Variants in CDC14B observed in about 807,000 individuals in gnomAD.
CDC14B encodes dual specificity protein phosphatase CDC14B.
A neutral mutation model predicts 64.2 loss-of-function variants in CDC14B; 22 were observed. That is an observed-to-expected ratio of 0.34 (90% CI 0.24 to 0.49). The LOEUF is 0.49. CDC14B is among the 20% of genes least tolerant of loss of function. The pLI, the probability that CDC14B is intolerant of heterozygous loss-of-function variation, is 0.99. For missense variants in CDC14B, 498 were observed against 629.9 expected, an observed-to-expected ratio of 0.79 and a Z score of 2.24; for synonymous variants, 191 against 215.8, an observed-to-expected ratio of 0.89 and a Z score of 1.01.
chr9:96,545,436 G>C (rs75038807), intron 5 of CDC14B, among the ~76,000 whole-genome samples: 7,871 of 150,536 alleles, frequency 0.052, 689 homozygotes, highest in African/African-American at 0.18. Context: ...TCCTGCCTCA[G>C]CCTCCCAAAT....
downstream of CDC14B, among the ~76,000 whole-genome samples, chr9:96,499,725 C>CTT (rs529764410): frequency 6.6e-6 from 1 of 152,220 alleles, no homozygotes; most frequent in Non-Finnish European, 1.5e-5. Context: ...GACATGGGGA[C>CTT]TTTAACGACG....
intron 13 of CDC14B, among the ~76,000 whole-genome samples, chr9:96,508,371 C>CTG: frequency 6.6e-6 from 1 of 151,902 alleles, no homozygotes; most frequent in South Asian, 2.1e-4. Flanking sequence ...GTGTACTAAA[C>CTG]TAAATGTATG....
downstream of CDC14B, chr9:96,496,185 T>C: frequency 2.3e-6 from 1 of 426,984 alleles, no homozygotes; most frequent in Non-Finnish European, 4.7e-6. Context: ...CAATACCCAG[T>C]GGAAGAATGA....
intron 12 of CDC14B, among the ~76,000 whole-genome samples, chr9:96,520,515 T>C (rs1306627795): frequency 6.6e-6 from 1 of 152,100 alleles, no homozygotes; most frequent in African/African-American, 2.4e-5. Context: ...CCAGCTAGAT[T>C]TGAACTCACG....
Position 96,569,160 on chromosome 9 carries a change from T to A in CDC14B, c.161-3677A>T, listed in dbSNP as rs75890323. ...TACAGCTTTTGCATTGTACGATGTA[T>A]TACCTATTCAAAATTACACTGCTTC... is the stretch of plus-strand genomic sequence containing the variant. On this transcript the variant is annotated intron_variant, in intron 1 of 13. Transcript: ENST00000375241. 6.6e-3 allele frequency among the ~76,000 whole-genome samples: 1,000 copies of A among 152,304 alleles called. 11 individuals carry two copies. Among genetic ancestry groups the A allele is most frequent in the African/African-American group, 0.023 (949 of 41,566 alleles).
At chr9:96,572,315 G>A (rs910968635) in intron 1 of CDC14B, among the ~76,000 whole-genome samples, 8 of 152,190 alleles carry the variant, frequency 5.3e-5, no homozygotes, top group African/African-American at 1.9e-4. Context: ...AAGCCAGTCA[G>A]TCAGAAGTTG....
rs1833605178 is a variant in CDC14B, at chr9:96,502,091, C to T, written c.*1662G>A. 6.6e-6 allele frequency: 1 copy of T among 152,096 alleles called. No individual in the cohort carries two copies. Among genetic ancestry groups the T allele is most frequent in the Admixed American group, 6.5e-5 (1 of 15,272 alleles). 9.4% of individuals were successfully genotyped at this position (152,096 alleles called of 1,614,324 possible). A position where few individuals can be genotyped will look rare whatever the true frequency, so the allele number is the denominator to read the frequency against. On this transcript the variant is annotated 3_prime_UTR_variant, in exon 14 of 14. Transcript: ENST00000375241. ...CAAATCTTATTGAAGAGTAGTCTGCCCACAGCCAAGTGGGTCTTTGTGCCT... is the reference window on the plus strand; with the variant it reads ...CAAATCTTATTGAAGAGTAGTCTGCTCACAGCCAAGTGGGTCTTTGTGCCT...
intron 1 of CDC14B, among the ~76,000 whole-genome samples, chr9:96,581,268 G>C (rs747520131): frequency 1.3e-5 from 2 of 151,058 alleles, no homozygotes; most frequent in Admixed American, 6.6e-5. Context: ...TGTATCCAAT[G>C]AAGCACAAAG....
Position 96,541,876 on chromosome 9 carries a change from T to C in CDC14B, c.514A>G (p.Ser172Gly), listed in dbSNP as rs780804670. Residue 172 changes from serine (S) to glycine (G), a missense_variant, in exon 6 of 14, where the codon AGT (serine) becomes GGT (glycine). Coordinates refer to ENST00000375241, the MANE Select transcript of CDC14B (RefSeq NM_033331.4). ...AGAAGTGTAATGTAGAAATTGCAAC[T>C]TCCATAGGCAGCATCTCTGAAACCC... ...YIPFRDAAYG[S>G]CNFYITLLDC... 8 of 1,608,764 alleles carry C rather than the reference T, an allele frequency of 5.0e-6. No homozygotes were observed. The Admixed American group carries it at 1.3e-4, about 27-fold the overall frequency.
chr9:96,526,080 GAGAT>G (rs896360112), intron 9 of CDC14B, among the ~76,000 whole-genome samples: 4 of 152,084 alleles, frequency 2.6e-5, no homozygotes, highest in African/African-American at 9.7e-5. Flanking sequence ...AGAAAAAAAA[GAGAT>G]AGGCCGGGTG....
chr9:96,581,334 C>T (rs55944837), intron 1 of CDC14B, among the ~76,000 whole-genome samples: 8,986 of 149,986 alleles, frequency 0.06, 893 homozygotes, highest in African/African-American at 0.21. Flanking sequence ...CCAGACACAG[C>T]GGCTCATGCC....
chr9:96,532,217 G>A (rs995068373), intron 9 of CDC14B, among the ~76,000 whole-genome samples: 1 of 152,214 alleles, frequency 6.6e-6, no homozygotes, highest in Non-Finnish European at 1.5e-5. Context: ...CCTGGGCAAA[G>A]TCTTAATTTT....
chr9:96,529,578 A>G (rs1351358215), intron 9 of CDC14B, among the ~76,000 whole-genome samples: 2 of 150,244 alleles, frequency 1.3e-5, no homozygotes, highest in African/African-American at 4.9e-5. Flanking sequence ...TGCCGCCTCA[A>G]CCTCGCAGGT....
chr9:96,581,330 A>G (rs1439968949), intron 1 of CDC14B, among the ~76,000 whole-genome samples: 1 of 151,672 alleles, frequency 6.6e-6, no homozygotes, highest in African/African-American at 2.4e-5. Context: ...AGGGCCAGAC[A>G]CAGCGGCTCA....
chr9:96,613,596 G>A (rs900641723), intron 1 of CDC14B, among the ~76,000 whole-genome samples: 12 of 152,218 alleles, frequency 7.9e-5, no homozygotes, highest in Non-Finnish European at 1.5e-4. Flanking sequence ...AAGTGAAGAT[G>A]TTGAAGAATT....
chr9:96,619,475 G>A lies in CDC14B; in HGVS notation c.-97C>T. 1 of 646,078 alleles carries A rather than the reference G, an allele frequency of 1.5e-6. No homozygotes were observed. The highest frequency in any genetic ancestry group is 6.8e-5 in the South Asian group (1 of 14,754). 40.0% of individuals were successfully genotyped at this position (646,078 alleles called of 1,614,324 possible). A position where few individuals can be genotyped will look rare whatever the true frequency, so the allele number is the denominator to read the frequency against. Reference sequence around the variant, plus strand: ...CCAGCCCCGCGCGGGCGCTCGGGGCGGCGGGCGCAGAGCGGCGCTGCGGGG... The same window carrying A: ...CCAGCCCCGCGCGGGCGCTCGGGGCAGCGGGCGCAGAGCGGCGCTGCGGGG... On this transcript the variant is annotated 5_prime_UTR_variant, in exon 1 of 14. Transcript: ENST00000375241.
chr9:96,595,656 A>AT (rs1170088019), intron 1 of CDC14B, among the ~76,000 whole-genome samples: 2 of 152,230 alleles, frequency 1.3e-5, no homozygotes, highest in African/African-American at 4.8e-5. Context: ...GATACATACT[A>AT]TAAAATAGGT....
chr9:96,608,754 T>A (rs560882742), intron 1 of CDC14B, among the ~76,000 whole-genome samples: 2 of 152,272 alleles, frequency 1.3e-5, no homozygotes, highest in Non-Finnish European at 2.9e-5. Context: ...GATATAGAAC[T>A]AATTGAAATG....
chr9:96,494,131 G>A (rs974913429), intron 13 of CDC14B, among the ~76,000 whole-genome samples: 2 of 152,198 alleles, frequency 1.3e-5, no homozygotes, highest in East Asian at 1.9e-4. Flanking sequence ...AGGCAAGGAC[G>A]CTGTCTTTCT....
Sources: allele counts gnomAD v4.1 joint callset (sites outside exome capture counted in the v4.1 genomes callset), GRCh38; gene constraint gnomAD v4.1.1; transcripts MANE v1.5; gene names NCBI Gene and HGNC (gene_info 2026-07-23, HGNC 2026-07-21).